Variants in GPATCH2L observed in about 807,000 individuals in gnomAD.
The protein encoded by GPATCH2L is G-patch domain containing 2 like.
A neutral mutation model predicts 57.4 loss-of-function variants in GPATCH2L; 31 were observed. The ratio of observed to expected loss-of-function variants is 0.54; its 90% confidence interval spans 0.41 to 0.73. The LOEUF (loss-of-function observed/expected upper bound fraction) is 0.73, where lower values mean the gene tolerates loss of function less well. Among genes scored for constraint, GPATCH2L ranks in the 30% least tolerant of loss-of-function variants. The pLI is 0.00. For missense variants in GPATCH2L, 481 were observed against 599.9 expected (o/e 0.80, Z 2.07); for synonymous variants, 199 against 210.7 (o/e 0.94, Z 0.48).
In GPATCH2L at chr14:76,211,233, C is replaced by CTG. The variant is rs1426783506; in HGVS notation, c.*9386_*9387dup. Reference sequence around the variant, plus strand: ...GGCAAGAGCCAGGAAGTGAAGGGTCCTGTGTATACTGGCTTACTTGTTGAG... The same window carrying CTG: ...GGCAAGAGCCAGGAAGTGAAGGGTCCTGTGTGTATACTGGCTTACTTGTTGAG... On this transcript the variant is annotated 3_prime_UTR_variant, in exon 10 of 10. Transcript: ENST00000261530. The CTG allele has an allele frequency of 2.0e-5, 3 of 152,134 alleles. No individual in the cohort carries two copies. In the East Asian group the frequency reaches 5.8e-4, roughly 29 times the overall value. 9.4% of individuals were successfully genotyped at this position (152,134 alleles called of 1,614,324 possible). A position where few individuals can be genotyped will look rare whatever the true frequency, so the allele number is the denominator to read the frequency against.
intron 8 of GPATCH2L, among the ~76,000 whole-genome samples, chr14:76,183,194 GTCT>G (rs2039639871): frequency 2.0e-5 from 3 of 152,200 alleles, no homozygotes; most frequent in African/African-American, 7.2e-5. Flanking sequence ...CCATACCACT[GTCT>G]TCACTCTTTT....
chr14:76,160,345 T>C (rs1351370820), intron 2 of GPATCH2L, among the ~76,000 whole-genome samples: 2 of 152,202 alleles, frequency 1.3e-5, no homozygotes, highest in Non-Finnish European at 2.9e-5. Flanking sequence ...TGGGCCTCCA[T>C]TTCATTGTCA....
intron 1 of GPATCH2L, among the ~76,000 whole-genome samples, chr14:76,225,832 T>C (rs2040534437): frequency 6.6e-6 from 1 of 152,150 alleles, no homozygotes; most frequent in Non-Finnish European, 1.5e-5. Flanking sequence ...AAAGAGAATA[T>C]CTGAATGGCC....
intron 2 of GPATCH2L, among the ~76,000 whole-genome samples, chr14:76,155,788 A>C (rs2038278777): frequency 6.6e-6 from 1 of 152,180 alleles, no homozygotes; most frequent in Non-Finnish European, 1.5e-5. Flanking sequence ...CTTTTTCTTA[A>C]TAGTGAGGAT....
At position 76,166,695 on chromosome 14, in the gene GPATCH2L, C is replaced by G. The variant is rs1279497864; in HGVS notation, c.695C>G (p.Thr232Ser). Residue 232 changes from threonine (T) to serine (S), a missense_variant, in exon 3 of 10, where the codon ACT (threonine) becomes AGT (serine). This residue lies in a region of GPATCH2L where 25 missense variants were observed against 56.9 expected (regional missense o/e 0.44). Transcript: ENST00000261530. ...ETSSVCSSSD[T>S]GLFTNDEGRQ... is the part of the protein sequence containing the mutation. ...AGCAGTGTGTGTAGCAGCAGTGACACTGGGCTCTTTACCAATGATGAAGGG... is the reference window on the plus strand; with the variant it reads ...AGCAGTGTGTGTAGCAGCAGTGACAGTGGGCTCTTTACCAATGATGAAGGG... 1.2e-6 allele frequency: 2 copies of G among 1,611,570 alleles called. No individual in the cohort carries two copies. Among genetic ancestry groups the G allele is most frequent in the Admixed American group, 3.3e-5 (2 of 60,002 alleles).
In GPATCH2L at chr14:76,201,855, G is replaced by A; in HGVS notation, c.*4G>A. ...AAAGAGCCCTGGATACAGCTAGAGA[G>A]CAGGACTTCACCCTCCAGGAGCTGA... On this transcript the variant is annotated 3_prime_UTR_variant, in exon 10 of 10. Transcript: ENST00000261530. 1 of 1,612,498 alleles carries A rather than the reference G, an allele frequency of 6.2e-7. No individual in the cohort carries two copies. Among genetic ancestry groups the A allele is most frequent in the South Asian group, 1.1e-5 (1 of 90,870 alleles).
downstream of GPATCH2L, among the ~76,000 whole-genome samples, chr14:76,219,006 A>C (rs1049625647): frequency 4.5e-5 from 4 of 88,882 alleles, no homozygotes; most frequent in African/African-American, 2.1e-4. Flanking sequence ...CTAAAAGTAC[A>C]AAAAAAAAAA....
chr14:76,178,102 C>A, intron 7 of GPATCH2L, 60 bp downstream of exon 7: 2 of 1,371,402 alleles, frequency 1.5e-6, no homozygotes, highest in Non-Finnish European at 1.0e-6. Flanking sequence ...CTAAGAGTAT[C>A]CAACACTTAC....
At chr14:76,165,605 A>G (rs1007535628) in intron 2 of GPATCH2L, among the ~76,000 whole-genome samples, 7 of 151,936 alleles carry the variant, frequency 4.6e-5, no homozygotes, top group Non-Finnish European at 7.4e-5. Flanking sequence ...AAAAAGAAAT[A>G]GGATTTGTTT....
chr14:76,228,430 T>C (rs1408554308), intron 1 of GPATCH2L, among the ~76,000 whole-genome samples: 1 of 152,206 alleles, frequency 6.6e-6, no homozygotes, highest in African/African-American at 2.4e-5. Flanking sequence ...TCTTTACCTC[T>C]TGCTCTGAAC....
rs753772812 is a variant in GPATCH2L at position 76,231,009 on chromosome 14, A to G, written c.*117+1056A>G. On this transcript the variant is annotated intron_variant and NMD_transcript_variant, in intron 2 of 3. Transcript: ENST00000556372. ...ATACTTGCCCTAAACTTAACTTTAAAAAGCAGGAGCCATTTGTGATGCCCT... is the reference window on the plus strand; with the variant it reads ...ATACTTGCCCTAAACTTAACTTTAAGAAGCAGGAGCCATTTGTGATGCCCT... Among the ~76,000 whole-genome samples, 16 of 152,350 alleles carry G rather than the reference A, an allele frequency of 1.1e-4. No individual in the cohort carries two copies. The East Asian group carries it at 1.2e-3, about 11-fold the overall frequency.
At chr14:76,218,538 G>T (rs1455489455), downstream of GPATCH2L, among the ~76,000 whole-genome samples, 1 of 151,962 alleles carries the variant, frequency 6.6e-6, no homozygotes, top group Non-Finnish European at 1.5e-5. Context: ...CAAACGGGAA[G>T]ATACACCACG....
At chr14:76,223,168 G>A (rs1391205515) in intron 1 of GPATCH2L, among the ~76,000 whole-genome samples, 2 of 152,056 alleles carry the variant, frequency 1.3e-5, no homozygotes, top group African/African-American at 4.8e-5. Flanking sequence ...ATACCAAAGG[G>A]TGGCAGGTTC....
rs1424402906 is a variant in GPATCH2L, at chr14:76,206,841, T to C, written c.*4990T>C. ...ACTGGTCTCCTCCTAAGCTCTGAGG[T>C]GCTCTCATATTCCCTCCATAAGTAA... On this transcript the variant is annotated 3_prime_UTR_variant, in exon 10 of 10. Coordinates refer to ENST00000261530, the MANE Select transcript of GPATCH2L (RefSeq NM_017926.4). The C allele has an allele frequency of 6.6e-6, 1 of 152,232 alleles. No homozygotes were observed. Among genetic ancestry groups the C allele is most frequent in the South Asian group, 2.1e-4 (1 of 4,830 alleles). 9.4% of individuals were successfully genotyped at this position (152,232 alleles called of 1,614,324 possible). A position where few individuals can be genotyped will look rare whatever the true frequency, so the allele number is the denominator to read the frequency against.
chr14:76,228,384 G>A (rs1566829352), intron 1 of GPATCH2L, among the ~76,000 whole-genome samples: 2 of 152,140 alleles, frequency 1.3e-5, no homozygotes, highest in African/African-American at 4.8e-5. Context: ...CAAAGAAAGA[G>A]GTTGCTTTCT....
chr14:76,179,352 A>G (rs1224519997), intron 7 of GPATCH2L: 1 of 152,274 alleles, frequency 6.6e-6, no homozygotes, highest in African/African-American at 2.4e-5. Context: ...AGGAAAAATA[A>G]TAAGTAAACA....
In GPATCH2L at chr14:76,154,431, A is replaced by G. The variant is rs1301373934; in HGVS notation, c.68A>G (p.Glu23Gly). 1.2e-6 allele frequency: 2 copies of G among 1,613,776 alleles called. No homozygotes were observed. Among genetic ancestry groups the G allele is most frequent in the Non-Finnish European group, 1.7e-6 (2 of 1,179,868 alleles). ...EQTSEQNKLG[E>G]LWEEMALSPR... is the part of the protein sequence containing the mutation. ...ACATCTGAGCAGAATAAGCTTGGTG[A>G]ACTGTGGGAGGAGATGGCGCTGAGC... Residue 23 changes from glutamate to glycine, a missense_variant, in exon 2 of 10, where the codon GAA (glutamate) becomes GGA (glycine). Around this residue, in one of 3 missense-constraint regions of GPATCH2L, gnomAD observed 208 missense variants for 272.4 expected, o/e 0.76. Coordinates refer to ENST00000261530, the MANE Select transcript of GPATCH2L (RefSeq NM_017926.4). This position sits in a 1 kb window ranked among gnomAD's most constrained non-coding sequence, Gnocchi z 4.4.
intron 2 of GPATCH2L, among the ~76,000 whole-genome samples, chr14:76,159,082 A>G (rs2038447463): frequency 1.3e-5 from 2 of 152,226 alleles, no homozygotes; most frequent in South Asian, 2.1e-4. Flanking sequence ...TGTAATGCGT[A>G]ATAACTTCTA....
At position 76,159,130 on chromosome 14, in the gene GPATCH2L, G is replaced by A. The variant is rs1036434679; in HGVS notation, c.662+4105G>A. Among the ~76,000 whole-genome samples the A allele has an allele frequency of 6.0e-4, 92 of 152,158 alleles. 1 individual carries two copies. Among genetic ancestry groups the A allele is most frequent in the African/African-American group, 2.1e-3 (87 of 41,428 alleles). ...GGATTCAAACATGGGCTTGATGACC[G>A]CTTACTTAGTTGCTGTGGAGTTGAG... On this transcript the variant is annotated intron_variant, in intron 2 of 9. Coordinates refer to ENST00000261530, the MANE Select transcript of GPATCH2L (RefSeq NM_017926.4).
Sources: allele counts gnomAD v4.1 joint callset (sites outside exome capture counted in the v4.1 genomes callset), GRCh38; gene constraint gnomAD v4.1.1; regional missense constraint gnomAD v4.1.1; non-coding constraint Gnocchi (gnomAD v3.1); transcripts MANE v1.5; gene names NCBI Gene and HGNC (gene_info 2026-07-23, HGNC 2026-07-21).